Variants in PRELID2 observed in about 807,000 individuals in gnomAD.
PRELID2 encodes PRELI domain-containing protein 2.
In PRELID2, 25 loss-of-function variants were observed where a neutral mutation model predicts 28.4. The ratio of observed to expected loss-of-function variants is 0.88; its 90% CI spans 0.64 to 1.23. The LOEUF (loss-of-function observed/expected upper bound fraction) is 1.23, where lower values mean the gene tolerates loss of function less well. PRELID2 is among the 50% of genes most tolerant of loss of function. The pLI, the probability that PRELID2 is intolerant of heterozygous loss-of-function variation, is 0.00. For missense variants in PRELID2, 201 were observed against 214.4 expected, an observed-to-expected ratio of 0.94 and a Z score of 0.39; for synonymous variants, 76 against 71.6, an observed-to-expected ratio of 1.06 and a Z score of -0.31.
At chr5:145,284,680 C>G in the PRELID2 span, among the ~76,000 whole-genome samples, 3 of 152,082 alleles carry the variant, frequency 2.0e-5, no homozygotes, top group African/African-American at 7.2e-5. Context: ...TAAAATTCAG[C>G]TATTTAAATC....
chr5:145,833,175 A>C (rs994204400), intron 1 of PRELID2, among the ~76,000 whole-genome samples: 1 of 152,184 alleles, frequency 6.6e-6, no homozygotes, highest in African/African-American at 2.4e-5. Context: ...TCCGTAAATA[A>C]GAGTTTGGCA....
chr5:145,444,322 G>A, the PRELID2 span, among the ~76,000 whole-genome samples: 1 of 152,004 alleles, frequency 6.6e-6, no homozygotes, highest in South Asian at 2.1e-4. Flanking sequence ...ATATTAGCAT[G>A]AGCACTGGAT....
the PRELID2 span, among the ~76,000 whole-genome samples, chr5:145,324,987 A>T: frequency 6.6e-6 from 1 of 152,224 alleles, no homozygotes; most frequent in East Asian, 1.9e-4. Context: ...CTGAAAAGTC[A>T]TGGGGTTCAA....
At chr5:145,685,799 T>A (rs1755026772) in intron 1 of PRELID2, among the ~76,000 whole-genome samples, 1 of 152,150 alleles carries the variant, frequency 6.6e-6, no homozygotes, top group Admixed American at 6.6e-5. Flanking sequence ...GTAGCCTTCC[T>A]CTGCAGAGGG....
the PRELID2 span, among the ~76,000 whole-genome samples, chr5:145,324,696 T>A: frequency 6.6e-6 from 1 of 152,180 alleles, no homozygotes; most frequent in African/African-American, 2.4e-5. Context: ...TTACCACATA[T>A]AAGGCATTGT....
chr5:145,822,608 A>T (rs453090), intron 2 of PRELID2, among the ~76,000 whole-genome samples: 80,456 of 152,014 alleles, frequency 0.53, 24,078 homozygotes, highest in Non-Finnish European at 0.69. Flanking sequence ...GCATTTTGCC[A>T]TCTACAAAAT....
At position 145,702,062 on chromosome 5, in the gene PRELID2, A is replaced by AT. The variant is rs1042805612; in HGVS notation, n.70+62868_70+62869insA. ...AAAACTCTGTCTCAGGAAAAAAAAA[A>AT]ATATATATATACACACACACACATA... On this transcript the variant is annotated intron_variant and non_coding_transcript_variant, in intron 1 of 2. Transcript: ENST00000510259. Among the ~76,000 whole-genome samples, 43 of 151,754 alleles carry AT rather than the reference A, an allele frequency of 2.8e-4. 1 individual carries two copies. Among genetic ancestry groups the AT allele is most frequent in the Middle Eastern group, 3.4e-3 (1 of 290 alleles).
At chr5:145,421,834 A>C in the PRELID2 span, among the ~76,000 whole-genome samples, 1 of 141,488 alleles carries the variant, frequency 7.1e-6, no homozygotes, top group East Asian at 2.0e-4. Flanking sequence ...TAGGGTGTCA[A>C]TTTTGGATCT....
At chr5:145,449,834 G>C in the PRELID2 span, among the ~76,000 whole-genome samples, 1 of 152,050 alleles carries the variant, frequency 6.6e-6, no homozygotes, top group Admixed American at 6.6e-5. Context: ...ACTTCCTGAG[G>C]GTAAGGACTG....
intron 1 of PRELID2, among the ~76,000 whole-genome samples, chr5:145,659,489 C>T (rs1399342564): frequency 6.6e-6 from 1 of 152,188 alleles, no homozygotes; most frequent in African/African-American, 2.4e-5. Flanking sequence ...TTATCAAAAG[C>T]AGACATGGAC....
chr5:145,781,596 T>C lies in PRELID2; in HGVS notation c.474+14846A>G, dbSNP rs531736812. ...TATGTGTGTGTATATAGATATATAGTATATCTATATACACACTATATATAT... is the reference window on the plus strand; with the variant it reads ...TATGTGTGTGTATATAGATATATAGCATATCTATATACACACTATATATAT... On this transcript the variant is annotated intron_variant, in intron 5 of 6. Coordinates refer to ENST00000683046, the MANE Select transcript of PRELID2 (RefSeq NM_205846.3). 2.7e-5 allele frequency among the ~76,000 whole-genome samples: 4 copies of C among 147,926 alleles called. No individual in the cohort carries two copies. In the East Asian group the frequency reaches 7.8e-4, roughly 29 times the overall value.
In PRELID2 at chr5:145,835,256, G is replaced by A; in HGVS notation, c.-5C>T. ...CACATCCACCGAGACCCCCATCCCC[G>A]CGCGCCGCGGGCCCCGCGCACCGGC... On this transcript the variant is annotated 5_prime_UTR_variant, in exon 1 of 7. Coordinates refer to ENST00000683046, the MANE Select transcript of PRELID2 (RefSeq NM_205846.3). The A allele has an allele frequency of 6.5e-7, 1 of 1,545,090 alleles. No homozygotes were observed. The highest frequency in any genetic ancestry group is 8.7e-7 in the Non-Finnish European group (1 of 1,143,522).
chr5:145,623,719 A>G (rs17103532), intron 1 of PRELID2, among the ~76,000 whole-genome samples: 5,344 of 152,296 alleles, frequency 0.035, 285 homozygotes, highest in African/African-American at 0.12. Flanking sequence ...TTCAGTAAGT[A>G]GTGTTAAAAT....
chr5:145,694,849 G>A (rs1755225262), intron 1 of PRELID2, among the ~76,000 whole-genome samples: 1 of 151,564 alleles, frequency 6.6e-6, no homozygotes, highest in Non-Finnish European at 1.5e-5. Context: ...GGGACAAAGG[G>A]GAACAGAGAA....
At chr5:145,230,312 A>G in the PRELID2 span, among the ~76,000 whole-genome samples, 2,267 of 152,208 alleles carry the variant, frequency 0.015, 51 homozygotes, top group African/African-American at 0.049. Context: ...AGTGGCTCAC[A>G]CCTGTAATCC....
At chr5:145,449,930 A>G in the PRELID2 span, among the ~76,000 whole-genome samples, 1 of 152,228 alleles carries the variant, frequency 6.6e-6, no homozygotes, top group East Asian at 1.9e-4. Flanking sequence ...TGTGCAATAA[A>G]TACTTAAATT....
intron 1 of PRELID2, among the ~76,000 whole-genome samples, chr5:145,571,798 G>A (rs1042357672): frequency 1.3e-5 from 2 of 152,024 alleles, no homozygotes; most frequent in Non-Finnish European, 2.9e-5. Context: ...TGGCTAACAC[G>A]GTGAAACCCT....
chr5:145,653,966 T>G (rs1395927407), intron 1 of PRELID2, among the ~76,000 whole-genome samples: 1 of 152,094 alleles, frequency 6.6e-6, no homozygotes, highest in Non-Finnish European at 1.5e-5. Flanking sequence ...AGGAGCTGGT[T>G]TTTTTAAAAG....
the PRELID2 span, among the ~76,000 whole-genome samples, chr5:145,459,251 T>C: frequency 3.9e-5 from 6 of 152,188 alleles, no homozygotes; most frequent in African/African-American, 1.4e-4. Context: ...CACTACACAC[T>C]CAACAATTTG....
Sources: gnomAD v4.1 joint callset for allele counts (sites outside exome capture counted in the v4.1 genomes callset) on GRCh38, gnomAD v4.1.1 for gene constraint, MANE v1.5 for transcripts, NCBI Gene and HGNC (gene_info 2026-07-23, HGNC 2026-07-21) for gene names.